Variants in PHF2 observed in about 807,000 individuals in gnomAD.
PHF2 encodes PHD finger protein 2.
PHF2 carries 27 observed loss-of-function variants against 120.5 expected under a neutral mutation model. That is an observed-to-expected ratio of 0.22 (90% confidence interval 0.17 to 0.31). The LOEUF is 0.31. PHF2 is among the 10% of genes least tolerant of loss of function. The pLI is 1.00. For missense variants in PHF2, 1,024 were observed against 1,434.8 expected (o/e 0.71, Z 4.63); for synonymous variants, 568 against 592.5 (o/e 0.96, Z 0.60).
At chr9:93,642,817 T>C (rs892449325) in intron 3 of PHF2, among the ~76,000 whole-genome samples, 1 of 152,200 alleles carries the variant, frequency 6.6e-6, no homozygotes. Context: ...CATTTAAAAA[T>C]TTTTCTTCAA....
At chr9:93,672,128 GCGGA>G (rs1826808775) in intron 17 of PHF2, among the ~76,000 whole-genome samples, 1 of 94,046 alleles carries the variant, frequency 1.1e-5, no homozygotes. Context: ...AGGTGTGGGT[GCGGA>G]TGTAGGTACA....
intron 2 of PHF2, among the ~76,000 whole-genome samples, chr9:93,632,953 G>T (rs1039879514): frequency 5.3e-5 from 8 of 152,022 alleles, no homozygotes; most frequent in African/African-American, 1.9e-4. Context: ...TGATGCCCCA[G>T]TTGGTCTTTG....
At chr9:93,607,342 G>C (rs1466845681) in intron 1 of PHF2, among the ~76,000 whole-genome samples, 1 of 151,908 alleles carries the variant, frequency 6.6e-6, no homozygotes. Context: ...TGTGATCTCG[G>C]CTCACTGCAA....
intron 1 of PHF2, among the ~76,000 whole-genome samples, chr9:93,599,412 A>C (rs1825395019): frequency 6.6e-6 from 1 of 152,170 alleles, no homozygotes; most frequent in African/African-American, 2.4e-5. Flanking sequence ...CAGCAAGCCC[A>C]AGAAGTGGGA....
chr9:93,642,381 A>G lies in PHF2; in HGVS notation c.300-3248A>G, dbSNP rs929842707. Among the ~76,000 whole-genome samples the G allele has an allele frequency of 6.6e-5, 10 of 152,324 alleles. No individual in the cohort carries two copies. In the East Asian group the frequency reaches 1.9e-3, roughly 29 times the overall value. On this transcript the variant is annotated intron_variant, in intron 3 of 21. Coordinates refer to ENST00000359246, the MANE Select transcript of PHF2 (RefSeq NM_005392.4). ...TTTTCCATTGTTTCTTGAATCCCAC[A>G]CCTTTCTTCTAAGTTTGATTTCCTT...
intron 3 of PHF2, among the ~76,000 whole-genome samples, chr9:93,643,186 A>G (rs1051678072): frequency 6.6e-6 from 1 of 151,682 alleles, no homozygotes; most frequent in Middle Eastern, 3.2e-3. Context: ...GCTGCTGTCC[A>G]CCTACAAGAC....
chr9:93,617,187 C>T (rs1046038923), intron 1 of PHF2, among the ~76,000 whole-genome samples: 1 of 152,164 alleles, frequency 6.6e-6, no homozygotes, highest in African/African-American at 2.4e-5. Context: ...CCTCCAGCTC[C>T]CCTGAAGGCA....
intron 2 of PHF2, among the ~76,000 whole-genome samples, chr9:93,630,429 A>G (rs1367205526): frequency 1.3e-5 from 2 of 152,182 alleles, no homozygotes; most frequent in African/African-American, 4.8e-5. Context: ...CCAGCCAGCC[A>G]CTGCTACACG....
In PHF2 at chr9:93,649,201, C is replaced by G; in HGVS notation, c.591C>G (p.Phe197Leu). 6.5e-7 allele frequency: 1 copy of G among 1,546,640 alleles called. No individual in the cohort carries two copies. The highest frequency in any genetic ancestry group is 8.7e-7 in the Non-Finnish European group (1 of 1,144,118). ...TCCTCAACGTCACCAACCTCGAGTT[C>G]TCTGACACCCGGTGAGTGCTACCAC... The part of the protein sequence containing the change: ...KRVLNVTNLE[F>L]SDTRMSSFVE... The change falls in exon 5 of 22, where the codon TTC becomes TTG. Residue 197 changes from phenylalanine (F) to leucine (L), a missense_variant. Physicochemically the swap from Phe to Leu is conservative, Grantham distance 22 (BLOSUM62 0). Transcript: ENST00000359246.
intron 10 of PHF2, among the ~76,000 whole-genome samples, chr9:93,659,157 C>T (rs1175511576): frequency 6.6e-6 from 1 of 152,232 alleles, no homozygotes; most frequent in Non-Finnish European, 1.5e-5. Flanking sequence ...CAGCCACCAC[C>T]TCCGTCAGGC....
intron 17 of PHF2, among the ~76,000 whole-genome samples, chr9:93,669,994 T>A (rs944058960): frequency 6.6e-6 from 1 of 152,164 alleles, no homozygotes; most frequent in Non-Finnish European, 1.5e-5. Flanking sequence ...TGGCAAGGGG[T>A]TCTGGGTATA....
In PHF2 at chr9:93,660,293, G is replaced by A. The variant is rs1424484397; in HGVS notation, c.1431G>A (p.Glu477=). ...REKEEPPSPI[E]ATPPQSLLEK... ...AGGAGGAGCCCCCGTCTCCCATTGA[G>A]GCCACCCCGCCTCAATCCCTCCTGG... Residue 477 remains glutamate (E), a synonymous_variant, in exon 12 of 22, where the codon GAG becomes GAA. Coordinates refer to ENST00000359246, the MANE Select transcript of PHF2 (RefSeq NM_005392.4). The A allele has an allele frequency of 1.9e-6, 3 of 1,609,912 alleles. No homozygotes were observed. The highest frequency in any genetic ancestry group is 2.5e-6 in the Non-Finnish European group (3 of 1,178,450).
chr9:93,593,770 T>A (rs1421787421), intron 1 of PHF2, among the ~76,000 whole-genome samples: 1 of 152,230 alleles, frequency 6.6e-6, no homozygotes, highest in Non-Finnish European at 1.5e-5. Context: ...GGGATATCTT[T>A]ATGATGATAT....
chr9:93,662,532 GCGGATGGATGGA>G (rs1826590635), intron 12 of PHF2, among the ~76,000 whole-genome samples: 1 of 120,254 alleles, frequency 8.3e-6, no homozygotes, highest in Non-Finnish European at 1.7e-5. Flanking sequence ...GGATGGGTGG[GCGGATGGATGGA>G]TGGATGGATG....
chr9:93,616,773 C>T (rs1246474987), intron 1 of PHF2, among the ~76,000 whole-genome samples: 3 of 152,038 alleles, frequency 2.0e-5, no homozygotes, highest in African/African-American at 7.2e-5. Flanking sequence ...TCTCCTGCTG[C>T]AGCATCCCAA....
In PHF2 at chr9:93,678,831, C is replaced by T. The variant is rs1250949779; in HGVS notation, c.*1155C>T. On this transcript the variant is annotated 3_prime_UTR_variant, in exon 22 of 22. Coordinates refer to ENST00000359246, the MANE Select transcript of PHF2 (RefSeq NM_005392.4). Reference sequence around the variant, plus strand: ...CGAGTTTTTTGCTGAGTCAGATGGACAGTTGGGTTCTGATGCTTTTTCCTT... The same window carrying T: ...CGAGTTTTTTGCTGAGTCAGATGGATAGTTGGGTTCTGATGCTTTTTCCTT... The T allele has an allele frequency of 6.5e-6, 1 of 154,856 alleles. No individual in the cohort carries two copies. Among genetic ancestry groups the T allele is most frequent in the East Asian group, 1.9e-4 (1 of 5,216 alleles). The allele number at this position is 154,856 out of a possible 1,614,324, so 9.6% of individuals were successfully genotyped here. A position where few individuals can be genotyped will look rare whatever the true frequency, so the allele number is the denominator to read the frequency against.
intron 1 of PHF2, among the ~76,000 whole-genome samples, chr9:93,580,576 A>G (rs951274142): frequency 6.6e-6 from 1 of 152,200 alleles, no homozygotes; most frequent in Non-Finnish European, 1.5e-5. Context: ...GGAAGCAGGA[A>G]TGCTTCTGTT....
chr9:93,675,632 A>T, intron 19 of PHF2, 48 bp from the exon 20 acceptor site: 1 of 1,452,436 alleles, frequency 6.9e-7, no homozygotes, highest in South Asian at 1.2e-5. Flanking sequence ...GGAGGGGTGG[A>T]CAGGCTGTGG....
chr9:93,654,072 C>T (rs1342790186), intron 6 of PHF2, among the ~76,000 whole-genome samples: 1 of 152,160 alleles, frequency 6.6e-6, no homozygotes, highest in African/African-American at 2.4e-5. Flanking sequence ...ATCATTTGAC[C>T]CAGCCTGAGA....
Sources: allele counts gnomAD v4.1 joint callset (sites outside exome capture counted in the v4.1 genomes callset), GRCh38; gene constraint gnomAD v4.1.1; transcripts MANE v1.5; gene names NCBI Gene and HGNC (gene_info 2026-07-23, HGNC 2026-07-21).